Variants in INPP5A observed in about 807,000 individuals in gnomAD.
INPP5A encodes 43 kDa inositol polyphosphate 5-phophatase.
A neutral mutation model predicts 65.2 loss-of-function variants in INPP5A; 14 were observed. That is an observed-to-expected ratio of 0.21 (90% CI 0.14 to 0.34). INPP5A has a LOEUF of 0.34. INPP5A is among the 10% of genes least tolerant of loss of function. INPP5A has a pLI of 1.00. For synonymous variants in INPP5A, 207 were observed against 208.3 expected (o/e 0.99, Z 0.05); for missense variants, 431 against 545.6 (o/e 0.79, Z 2.09).
At chr10:132,607,813 C>T in intron 1 of INPP5A, 102 bp from the exon 2 acceptor site, 2 of 1,210,770 alleles carry the variant, frequency 1.7e-6, no homozygotes, top group Non-Finnish European at 2.4e-6. Context: ...CGGGCTGCGC[C>T]TCTGCTCCTG....
At chr10:132,649,261 C>T (rs1383759273) in intron 3 of INPP5A, among the ~76,000 whole-genome samples, 2 of 152,230 alleles carry the variant, frequency 1.3e-5, no homozygotes, top group Non-Finnish European at 2.9e-5. Context: ...TTCCTTCCGT[C>T]TGTGCGTTCC....
intron 4 of INPP5A, among the ~76,000 whole-genome samples, chr10:132,666,583 G>T (rs2072807478): frequency 6.6e-6 from 1 of 152,198 alleles, no homozygotes; most frequent in Non-Finnish European, 1.5e-5. Context: ...TTGCAGTGGG[G>T]CTCTCTTTCC....
chr10:132,618,477 A>G (rs370331922), intron 2 of INPP5A, among the ~76,000 whole-genome samples: 2 of 152,338 alleles, frequency 1.3e-5, no homozygotes, highest in African/African-American at 4.8e-5. Flanking sequence ...AAATGGAGGC[A>G]CTCTCATTAT....
intron 8 of INPP5A, among the ~76,000 whole-genome samples, chr10:132,711,521 C>T (rs1845636929): frequency 1.3e-5 from 2 of 152,152 alleles, no homozygotes; most frequent in Non-Finnish European, 2.9e-5. Context: ...TGGGGTGGTC[C>T]CTGATTTCCA....
intron 11 of INPP5A, among the ~76,000 whole-genome samples, chr10:132,757,182 C>T (rs560208787): frequency 7.9e-5 from 12 of 152,262 alleles, no homozygotes; most frequent in South Asian, 2.1e-4. Flanking sequence ...CTCAGCGTTC[C>T]GTATTTATAA....
chr10:132,624,236 C>T (rs186055803), intron 2 of INPP5A, among the ~76,000 whole-genome samples: 14 of 152,358 alleles, frequency 9.2e-5, no homozygotes, highest in African/African-American at 1.7e-4. Context: ...CTGTGATCCC[C>T]GCCTCTGCTG....
chr10:132,755,751 C>T lies in INPP5A; in HGVS notation c.903+5906C>T, dbSNP rs187227591. Among the ~76,000 whole-genome samples the T allele has an allele frequency of 7.3e-3, 1,107 of 152,126 alleles. 9 individuals are homozygous for T. Among genetic ancestry groups the T allele is most frequent in the Middle Eastern group, 0.014 (4 of 294 alleles). ...AGACCCTAGCGGCAGCCGCTGAGGC[C>T]TGAGGGAGGTCCTGGCCACCCAGGA... On this transcript the variant is annotated intron_variant, in intron 11 of 15. Coordinates refer to ENST00000368594, the MANE Select transcript of INPP5A (RefSeq NM_005539.5).
At chr10:132,693,565 T>C (rs942542258) in intron 5 of INPP5A, among the ~76,000 whole-genome samples, 6 of 152,092 alleles carry the variant, frequency 3.9e-5, no homozygotes, top group African/African-American at 1.4e-4. Context: ...CAAATACATA[T>C]ATTAGAAAAG....
At position 132,674,569 on chromosome 10, in the gene INPP5A, G is replaced by A. The variant is rs1032114185; in HGVS notation, c.307-15823G>A. Among the ~76,000 whole-genome samples the A allele has an allele frequency of 6.6e-6, 1 of 152,210 alleles. No homozygotes were observed. The highest frequency in any genetic ancestry group is 2.4e-5 in the African/African-American group (1 of 41,456). ...CAGGCTGGGGGAGAGAAGGGAGGGTGGCGGGAGTGGAGACCATGGGCATTT... is the reference window on the plus strand; with the variant it reads ...CAGGCTGGGGGAGAGAAGGGAGGGTAGCGGGAGTGGAGACCATGGGCATTT... On this transcript the variant is annotated intron_variant, in intron 4 of 15. Coordinates refer to ENST00000368594, the MANE Select transcript of INPP5A (RefSeq NM_005539.5). The surrounding 1 kb of genome is among the most constrained non-coding windows in gnomAD (Gnocchi z 4.4).
At chr10:132,708,604 G>T in intron 7 of INPP5A, 1 of 633,382 alleles carries the variant, frequency 1.6e-6, no homozygotes, top group East Asian at 3.2e-5. Flanking sequence ...GAGACACAGT[G>T]ACGGCCCCAG....
In INPP5A at chr10:132,545,548, C is replaced by A. The variant is rs562996365; in HGVS notation, c.75+7377C>A. Among the ~76,000 whole-genome samples the A allele has an allele frequency of 1.2e-3, 177 of 152,276 alleles. 1 individual carries two copies. Among genetic ancestry groups the A allele is most frequent in the African/African-American group, 3.7e-3 (155 of 41,548 alleles). ...CGGGGTGTTCCCGCTGTCTCCTGGG[C>A]GGGTCCTTCTGATGTGAGTGCACTC... is the stretch of plus-strand genomic sequence containing the variant. On this transcript the variant is annotated intron_variant, in intron 1 of 15. Transcript: ENST00000368594. The surrounding 1 kb of genome is among the most constrained non-coding windows in gnomAD (Gnocchi z 4.6).
At chr10:132,749,145 C>T (rs1456895210) in intron 9 of INPP5A, among the ~76,000 whole-genome samples, 1 of 152,388 alleles carries the variant, frequency 6.6e-6, no homozygotes, top group Non-Finnish European at 1.5e-5. Context: ...CGGGAGAGAG[C>T]GAGCGGGAGG....
rs1039570554 is a variant in INPP5A at position 132,727,663 on chromosome 10, C to T, written c.732+758C>T. The stretch of plus-strand genomic sequence containing the variant: ...GTGGGAAATGGTGGAGCACCTGTTG[C>T]CCACCCGCCCTGGCCCTGCTGCCCT... On this transcript the variant is annotated intron_variant, in intron 9 of 15. Transcript: ENST00000368594. This position sits in a 1 kb window ranked among gnomAD's most constrained non-coding sequence, Gnocchi z 6.5. Among the ~76,000 whole-genome samples the T allele has an allele frequency of 1.3e-5, 2 of 152,064 alleles. No individual in the cohort carries two copies. Among genetic ancestry groups the T allele is most frequent in the African/African-American group, 4.8e-5 (2 of 41,446 alleles).
chr10:132,658,047 G>A (rs1319417700), intron 4 of INPP5A, among the ~76,000 whole-genome samples: 1 of 152,218 alleles, frequency 6.6e-6, no homozygotes, highest in Non-Finnish European at 1.5e-5. Flanking sequence ...GATCTTTTTA[G>A]CACTAAAATA....
At chr10:132,772,874 C>T (rs1283377098) in intron 12 of INPP5A, among the ~76,000 whole-genome samples, 5 of 135,994 alleles carry the variant, frequency 3.7e-5, no homozygotes, top group Non-Finnish European at 8.0e-5. Context: ...AGCACTGACA[C>T]GGAGGCCACG....
At chr10:132,715,799 G>C (rs1190977124) in intron 8 of INPP5A, among the ~76,000 whole-genome samples, 1 of 152,210 alleles carries the variant, frequency 6.6e-6, no homozygotes, top group African/African-American at 2.4e-5. Flanking sequence ...ACAGGCTCTT[G>C]CTGGTCGTGG....
intron 1 of INPP5A, among the ~76,000 whole-genome samples, chr10:132,540,445 T>C (rs1016094255): frequency 6.6e-6 from 1 of 152,246 alleles, no homozygotes; most frequent in Non-Finnish European, 1.5e-5. Context: ...GAAAGGTGCA[T>C]TGTGATTTCA....
At chr10:132,657,399 C>T (rs2072671104) in intron 4 of INPP5A, among the ~76,000 whole-genome samples, 1 of 152,230 alleles carries the variant, frequency 6.6e-6, no homozygotes, top group African/African-American at 2.4e-5. Flanking sequence ...AGAGCAGGGT[C>T]TGCCTCCCCC....
At chr10:132,643,785 A>G (rs2072457692) in intron 2 of INPP5A, among the ~76,000 whole-genome samples, 1 of 152,152 alleles carries the variant, frequency 6.6e-6, no homozygotes, top group Non-Finnish European at 1.5e-5. Flanking sequence ...GCCCTGCGCC[A>G]CTATGCCCAC....
Sources: gnomAD v4.1 joint callset for allele counts (sites outside exome capture counted in the v4.1 genomes callset) on GRCh38, gnomAD v4.1.1 for gene constraint, Gnocchi (gnomAD v3.1) non-coding constraint, MANE v1.5 for transcripts, NCBI Gene and HGNC (gene_info 2026-07-23, HGNC 2026-07-21) for gene names.